PCBP3: variants seen among roughly 807,000 people sequenced by gnomAD.
The protein encoded by PCBP3 is poly(rC) binding protein 3, also known as poly(rC)-binding protein 3.
PCBP3 carries 25 observed loss-of-function variants against 52.7 expected under a neutral mutation model. That is an observed-to-expected ratio of 0.47 (90% CI 0.35 to 0.66). The LOEUF is 0.66. PCBP3 is among the 30% of genes least tolerant of loss of function. The probability of loss-of-function intolerance (pLI) is 0.01; values close to 1 mark genes in which losing one functional copy is unlikely to be tolerated. For synonymous variants in PCBP3, 162 were observed against 183.0 expected (o/e 0.89, Z 0.93); for missense variants, 391 against 490.3 (o/e 0.80, Z 1.91).
intron 5 of PCBP3, among the ~76,000 whole-genome samples, chr21:45,876,832 T>C (rs907833258): frequency 6.6e-6 from 1 of 152,244 alleles, no homozygotes; most frequent in Non-Finnish European, 1.5e-5. Context: ...AGTGCAGCCC[T>C]GGACAGAGCA....
intron 4 of PCBP3, among the ~76,000 whole-genome samples, chr21:45,789,956 G>A (rs531985927): frequency 6.9e-4 from 105 of 152,212 alleles, no homozygotes; most frequent in Non-Finnish European, 1.0e-3. Flanking sequence ...TGGCTGACAC[G>A]GTGAAACCCC....
intron 2 of PCBP3, among the ~76,000 whole-genome samples, chr21:45,733,664 G>A (rs1293608491): frequency 1.3e-5 from 2 of 151,616 alleles, no homozygotes; most frequent in South Asian, 2.1e-4. Flanking sequence ...GCAGTGGTGC[G>A]ATCTTGGCTC....
At chr21:45,818,634 G>A (rs1211693652) in intron 4 of PCBP3, among the ~76,000 whole-genome samples, 2 of 152,182 alleles carry the variant, frequency 1.3e-5, no homozygotes, top group African/African-American at 2.4e-5. Context: ...CTCTCTAACC[G>A]TGAGATCTAT....
At chr21:45,785,149 C>T (rs1428197709) in intron 4 of PCBP3, among the ~76,000 whole-genome samples, 16 of 151,608 alleles carry the variant, frequency 1.1e-4, no homozygotes, top group Non-Finnish European at 4.4e-5. Flanking sequence ...GCCTGGCAAC[C>T]GCCCTGTCTG....
chr21:45,920,484 C>T (rs1275331037), intron 13 of PCBP3, among the ~76,000 whole-genome samples: 1 of 152,216 alleles, frequency 6.6e-6, no homozygotes, highest in Non-Finnish European at 1.5e-5. Context: ...GTTAAGAGAA[C>T]TGCCTCAGTG....
Position 45,901,061 on chromosome 21 carries a change from C to A in PCBP3, c.287C>A (p.Pro96His). 5 of 1,614,042 alleles carry A rather than the reference C, an allele frequency of 3.1e-6. No homozygotes were observed. The highest frequency in any genetic ancestry group is 4.2e-6 in the Non-Finnish European group (5 of 1,179,922). Residue 96 changes from proline (P) to histidine (H), a missense_variant, in exon 9 of 18, where the codon CCC becomes CAC. Physicochemically the swap from Pro to His is moderately conservative, Grantham distance 77 (BLOSUM62 -2). Transcript: ENST00000681687. Reference protein sequence around the residue: ...CPERIVTITGPTDAIFKAFAM... With the variant: ...CPERIVTITGHTDAIFKAFAM... ...GAGAGGATTGTGACCATCACAGGCC[C>A]CACAGACGCCATCTTCAAGGCCTTT...
chr21:45,847,264 A>G lies in PCBP3; in HGVS notation c.-125-2697A>G, dbSNP rs548711340. Among the ~76,000 whole-genome samples the G allele has an allele frequency of 2.0e-3, 307 of 151,868 alleles. 2 individuals carry two copies. The highest frequency in any genetic ancestry group is 7.0e-3 in the African/African-American group (288 of 41,430). On this transcript the variant is annotated intron_variant, in intron 4 of 17. Coordinates refer to ENST00000681687, the MANE Select transcript of PCBP3 (RefSeq NM_001384156.1). ...GATTCTTTTCTCCCACCTATTTTTC[A>G]TGCTTCAGTCTATGAGCTTATTCTA...
chr21:45,723,397 C>T lies in PCBP3; in HGVS notation c.-199-11995C>T, dbSNP rs1255803252. ...CCCTGGTGAGAGGCCAGACAGACTT[C>T]CTATGTCTAGTTCTGATAATGAGAG... On this transcript the variant is annotated intron_variant, in intron 2 of 17. Coordinates refer to ENST00000681687, the MANE Select transcript of PCBP3 (RefSeq NM_001384156.1). 1.4e-4 allele frequency among the ~76,000 whole-genome samples: 22 copies of T among 152,156 alleles called. 1 individual carries two copies. The highest frequency in any genetic ancestry group is 1.4e-3 in the Admixed American group (22 of 15,286).
intron 5 of PCBP3, among the ~76,000 whole-genome samples, chr21:45,883,634 C>A (rs1415793824): frequency 6.6e-6 from 1 of 151,962 alleles, no homozygotes; most frequent in South Asian, 2.1e-4. Flanking sequence ...ATGTAATGTC[C>A]TTCTCTGTCT....
At chr21:45,689,963 C>T (rs901946279) in intron 2 of PCBP3, among the ~76,000 whole-genome samples, 4 of 152,128 alleles carry the variant, frequency 2.6e-5, no homozygotes, top group African/African-American at 9.6e-5. Context: ...AAAGCTATCT[C>T]AATCAAACTC....
chr21:45,835,218 G>A (rs1479622393), intron 4 of PCBP3, among the ~76,000 whole-genome samples: 1 of 152,096 alleles, frequency 6.6e-6, no homozygotes, highest in Non-Finnish European at 1.5e-5. Flanking sequence ...CGGGGGCGGG[G>A]CCTACACAGG....
At chr21:45,712,708 T>G (rs985157879) in intron 2 of PCBP3, among the ~76,000 whole-genome samples, 6 of 152,072 alleles carry the variant, frequency 3.9e-5, no homozygotes, top group Non-Finnish European at 7.4e-5. Flanking sequence ...TTCATTTTTT[T>G]TTTTTTCCTA....
intron 4 of PCBP3, among the ~76,000 whole-genome samples, chr21:45,812,650 C>G (rs1389292291): frequency 6.6e-6 from 1 of 152,238 alleles, no homozygotes; most frequent in Non-Finnish European, 1.5e-5. Context: ...CTTCGGCCTC[C>G]CAAAGTGCTG....
chr21:45,702,078 A>G (rs1180560829), intron 2 of PCBP3, among the ~76,000 whole-genome samples: 1 of 152,190 alleles, frequency 6.6e-6, no homozygotes, highest in Non-Finnish European at 1.5e-5. Context: ...GAGTATTTTC[A>G]TAGCTTTATC....
At chr21:45,687,736 G>GTT (rs965639154) in intron 2 of PCBP3, among the ~76,000 whole-genome samples, 1 of 144,202 alleles carries the variant, frequency 6.9e-6, no homozygotes, top group African/African-American at 2.5e-5. Flanking sequence ...TTTCTTTTTT[G>GTT]TTTTTTTTTT....
chr21:45,717,945 A>T (rs1696550995), intron 2 of PCBP3, among the ~76,000 whole-genome samples: 1 of 152,202 alleles, frequency 6.6e-6, no homozygotes, highest in Non-Finnish European at 1.5e-5. Context: ...ATACGGTAGT[A>T]ATGCCATCTG....
At chr21:45,660,382 C>T (rs1288466391) in intron 1 of PCBP3, among the ~76,000 whole-genome samples, 1 of 151,974 alleles carries the variant, frequency 6.6e-6, no homozygotes, top group Non-Finnish European at 1.5e-5. Flanking sequence ...TTGTATACTA[C>T]ATATAACTGA....
intron 9 of PCBP3, among the ~76,000 whole-genome samples, chr21:45,907,273 G>A (rs886447631): frequency 6.6e-6 from 1 of 152,220 alleles, no homozygotes; most frequent in African/African-American, 2.4e-5. Flanking sequence ...TTGTTCCAGA[G>A]CTTTTTCAGT....
rs961142431 is a variant in PCBP3, at chr21:45,802,113, C to T, written c.-126+46661C>T. Among the ~76,000 whole-genome samples, 2 of 152,234 alleles carry T rather than the reference C, an allele frequency of 1.3e-5. No homozygotes were observed. Among genetic ancestry groups the T allele is most frequent in the African/African-American group, 4.8e-5 (2 of 41,460 alleles). On this transcript the variant is annotated intron_variant, in intron 4 of 17. Coordinates refer to ENST00000681687, the MANE Select transcript of PCBP3 (RefSeq NM_001384156.1). The surrounding 1 kb of genome is among the most constrained non-coding windows in gnomAD (Gnocchi z 5.1). ...TTAGCGGGGCTCCCTCCTTTACCCT[C>T]AGACCCCTTGGATGCCATCCTGGGC...
Sources: allele counts gnomAD v4.1 joint callset (sites outside exome capture counted in the v4.1 genomes callset), GRCh38; gene constraint gnomAD v4.1.1; non-coding constraint Gnocchi (gnomAD v3.1); transcripts MANE v1.5; gene names NCBI Gene and HGNC (gene_info 2026-07-23, HGNC 2026-07-21).